AFF3: variants seen among roughly 807,000 people sequenced by gnomAD.
The protein encoded by AFF3 is ALF transcription elongation factor 3, also known as AF4/FMR2 family member 3.
In AFF3, 32 loss-of-function variants were observed where a neutral mutation model predicts 129.7. The ratio of observed to expected loss-of-function variants is 0.25; its 90% CI spans 0.19 to 0.33. The LOEUF is 0.33. Among genes scored for constraint, AFF3 ranks in the 10% least tolerant of loss-of-function variants. AFF3 has a pLI of 1.00. For synonymous variants in AFF3, 644 were observed against 635.4 expected (o/e 1.01, Z -0.20); for missense variants, 1,373 against 1,592.0 (o/e 0.86, Z 2.34).
At position 99,838,596 on chromosome 2, in the gene AFF3, C is replaced by T. The variant is rs965133157; in HGVS notation, c.874-1072G>A. ...AGCCTCCACTTCTTCAAAGCCCTCA[C>T]CACGACGGCAATTCAATAGTGAAGT... is the stretch of plus-strand genomic sequence containing the variant. On this transcript the variant is annotated intron_variant, in intron 7 of 24. Coordinates refer to ENST00000672756, the MANE Select transcript of AFF3 (RefSeq NM_001386135.1). 3.3e-5 allele frequency among the ~76,000 whole-genome samples: 5 copies of T among 152,308 alleles called. No homozygotes were observed. In the East Asian group the frequency reaches 7.7e-4, roughly 24 times the overall value.
chr2:99,672,736 C>A (rs183775051), intron 11 of AFF3, 147 bp from the exon 12 acceptor site: 8 of 758,016 alleles, frequency 1.1e-5, no homozygotes. Context: ...TTCTTTCCTT[C>A]TTATGCACTT....
chr2:100,058,927 C>G (rs541117270), intron 4 of AFF3, among the ~76,000 whole-genome samples: 1 of 152,194 alleles, frequency 6.6e-6, no homozygotes, highest in Non-Finnish European at 1.5e-5. Flanking sequence ...TCTTACAACT[C>G]AATAATAAAA....
chr2:99,682,499 A>C (rs907951974), intron 11 of AFF3, among the ~76,000 whole-genome samples: 5 of 152,240 alleles, frequency 3.3e-5, no homozygotes, highest in African/African-American at 1.2e-4. Context: ...AGAAACCACA[A>C]GGCAGCGCTG....
intron 13 of AFF3, among the ~76,000 whole-genome samples, chr2:99,611,263 T>G (rs867099797): frequency 2.6e-5 from 4 of 152,234 alleles, no homozygotes; most frequent in African/African-American, 9.6e-5. Flanking sequence ...TTTAAAATGC[T>G]TGTCAGATAA....
chr2:99,883,580 C>G (rs17352234), intron 7 of AFF3, among the ~76,000 whole-genome samples: 6,224 of 152,292 alleles, frequency 0.041, 141 homozygotes, highest in African/African-American at 0.058. Context: ...ATTTGGAGAA[C>G]TACTACATTC....
intron 13 of AFF3, among the ~76,000 whole-genome samples, chr2:99,638,477 G>A (rs953323417): frequency 6.6e-6 from 1 of 151,852 alleles, no homozygotes; most frequent in African/African-American, 2.4e-5. Flanking sequence ...CTGGTGGTGC[G>A]GGTTAGTTTT....
At chr2:99,568,959 C>A in intron 18 of AFF3, 44 bp from the exon 19 acceptor site, 1 of 1,544,170 alleles carries the variant, frequency 6.5e-7, no homozygotes, top group Admixed American at 1.7e-5. Context: ...GGCTTAAGTG[C>A]AACGTCTTTT....
intron 8 of AFF3, among the ~76,000 whole-genome samples, chr2:99,824,332 C>T (rs1558886352): frequency 6.6e-6 from 1 of 152,124 alleles, no homozygotes; most frequent in Non-Finnish European, 1.5e-5. Flanking sequence ...TCAGGCTGGT[C>T]TTAAACTCCC....
intron 14 of AFF3, among the ~76,000 whole-genome samples, chr2:99,595,537 A>C (rs1438888415): frequency 6.6e-6 from 1 of 152,156 alleles, no homozygotes; most frequent in Non-Finnish European, 1.5e-5. Context: ...GGTTTAACAC[A>C]ATAAATAAAA....
intron 14 of AFF3, among the ~76,000 whole-genome samples, chr2:99,601,064 C>T (rs992109586): frequency 6.6e-6 from 1 of 152,176 alleles, no homozygotes; most frequent in Admixed American, 6.5e-5. Context: ...TATGGGTGGT[C>T]ACACTTCCCA....
chr2:99,648,522 C>T (rs1013450022), intron 13 of AFF3, among the ~76,000 whole-genome samples: 3 of 152,268 alleles, frequency 2.0e-5, no homozygotes, highest in East Asian at 3.9e-4. Flanking sequence ...GTGCCAGCCA[C>T]TCAGGACACG....
At chr2:100,060,230 G>A (rs1687157224) in intron 4 of AFF3, among the ~76,000 whole-genome samples, 1 of 152,126 alleles carries the variant, frequency 6.6e-6, no homozygotes, top group Non-Finnish European at 1.5e-5. Flanking sequence ...TGAAAGTCCT[G>A]GTGCTACAAC....
chr2:100,028,846 A>G (rs1377752894), intron 4 of AFF3, among the ~76,000 whole-genome samples: 1 of 152,196 alleles, frequency 6.6e-6, no homozygotes. Flanking sequence ...TACTGTGCAA[A>G]ACAGCATGGG....
chr2:99,984,825 G>A (rs1679721832), intron 7 of AFF3, among the ~76,000 whole-genome samples: 1 of 152,244 alleles, frequency 6.6e-6, no homozygotes, highest in African/African-American at 2.4e-5. Context: ...GCTGAGGTAG[G>A]ACAGCTTGCA....
intron 11 of AFF3, among the ~76,000 whole-genome samples, chr2:99,720,817 G>A (rs1416765282): frequency 6.6e-6 from 1 of 151,940 alleles, no homozygotes; most frequent in Non-Finnish European, 1.5e-5. Context: ...TGTTTTTAGT[G>A]GTTTCTCTGG....
intron 1 of AFF3, among the ~76,000 whole-genome samples, chr2:100,139,544 A>T (rs1692777623): frequency 6.6e-6 from 1 of 152,226 alleles, no homozygotes; most frequent in Admixed American, 6.5e-5. Context: ...TTTTTAGTGC[A>T]GATAAAAACT....
chr2:99,615,254 C>T (rs1681303888), intron 13 of AFF3, among the ~76,000 whole-genome samples: 1 of 152,210 alleles, frequency 6.6e-6, no homozygotes, highest in African/African-American at 2.4e-5. Flanking sequence ...GGACGCCAGG[C>T]TTGTCCGCTG....
Position 99,770,642 on chromosome 2 carries a change from T to C in AFF3, c.922-18341A>G, listed in dbSNP as rs572744392. On this transcript the variant is annotated intron_variant, in intron 8 of 24. Coordinates refer to ENST00000672756, the MANE Select transcript of AFF3 (RefSeq NM_001386135.1). ...GAGTCTCACCAAGGCCCATGGCATATGACCTGGGTATCACTGCTGGTTATT... is the reference window on the plus strand; with the variant it reads ...GAGTCTCACCAAGGCCCATGGCATACGACCTGGGTATCACTGCTGGTTATT... Among the ~76,000 whole-genome samples the C allele has an allele frequency of 3.9e-5, 6 of 152,306 alleles. No homozygotes were observed. The East Asian group carries it at 9.6e-4, about 24-fold the overall frequency.
At chr2:99,778,909 TGTGTG>T (rs1684172077) in intron 8 of AFF3, among the ~76,000 whole-genome samples, 3 of 140,544 alleles carry the variant, frequency 2.1e-5, no homozygotes, top group African/African-American at 9.3e-5. Context: ...TGTGTGTGTG[TGTGTG>T]TGTGTGTGTG....
Sources: gnomAD v4.1 joint callset for allele counts (sites outside exome capture counted in the v4.1 genomes callset) on GRCh38, gnomAD v4.1.1 for gene constraint, MANE v1.5 for transcripts, NCBI Gene and HGNC (gene_info 2026-07-23, HGNC 2026-07-21) for gene names.